The following PCCA variants were observed in gnomAD, a reference collection of about 807,000 sequenced individuals.
PCCA encodes the protein propionyl-CoA carboxylase alpha chain, mitochondrial.
PCCA carries 74 observed loss-of-function variants against 101.3 expected under a neutral mutation model. That is an observed-to-expected ratio of 0.73 (90% confidence interval 0.61 to 0.89). The LOEUF is 0.89. PCCA is among the 40% of genes least tolerant of loss of function. PCCA has a pLI of 0.00. For missense variants in PCCA, 891 were observed against 907.0 expected (o/e 0.98, Z 0.23); for synonymous variants, 294 against 313.6 (o/e 0.94, Z 0.66).
At chr13:100,180,638 T>C (rs546130644) in intron 6 of PCCA, among the ~76,000 whole-genome samples, 1 of 152,326 alleles carries the variant, frequency 6.6e-6, no homozygotes, top group South Asian at 2.1e-4. Context: ...TCTTCTGATT[T>C]CTTTCTCCTC....
rs2046036683 is a variant in PCCA at position 100,089,225 on chromosome 13, G to A, written c.105G>A (p.Lys35=). The A allele has an allele frequency of 6.6e-7, 1 of 1,511,086 alleles. No homozygotes were observed. The highest frequency in any genetic ancestry group is 1.3e-5 in the South Asian group (1 of 78,500). 93.6% of individuals were successfully genotyped at this position (1,511,086 alleles called of 1,614,324 possible). A position where few individuals can be genotyped will look rare whatever the true frequency, so the allele number is the denominator to read the frequency against. ...TGAGCGCGGCGCTGCGGACCCTGAA[G>A]GTGAGGAGCAACGGGGCCTCGCGGG... ...LMLSAALRTL[K]HVLYYSRQCL... Residue 35 remains lysine, a splice_region_variant and synonymous_variant, in exon 1 of 24, where the codon AAG becomes AAA. Coordinates refer to ENST00000376285, the MANE Select transcript of PCCA (RefSeq NM_000282.4).
chr13:100,261,706 T>C (rs558117943), intron 9 of PCCA, among the ~76,000 whole-genome samples: 1 of 152,326 alleles, frequency 6.6e-6, no homozygotes, highest in East Asian at 1.9e-4. Context: ...TTTAAATTAG[T>C]TTGTAAACAA....
rs1490024229 is a variant in PCCA, at chr13:100,504,341, TAGA to T, written c.1900-11083_1900-11081del. 7.2e-5 allele frequency among the ~76,000 whole-genome samples: 11 copies of T among 152,306 alleles called. No homozygotes were observed. The East Asian group carries it at 1.9e-3, about 27-fold the overall frequency. ...GGAGAATGTTCATATGAGAATTGAA[TAGA>T]AGGCCAAATTTTTAGGCTAAGAATA... is the stretch of plus-strand genomic sequence containing the variant. On this transcript the variant is annotated intron_variant, in intron 21 of 23. Coordinates refer to ENST00000376285, the MANE Select transcript of PCCA (RefSeq NM_000282.4).
chr13:100,301,337 A>G (rs2066040318), intron 12 of PCCA, 123 bp from the exon 13 acceptor site: 1 of 1,014,230 alleles, frequency 9.9e-7, no homozygotes, highest in Admixed American at 1.8e-5. Flanking sequence ...TTTTAGTCAA[A>G]TATGTTCAAA....
At chr13:100,478,107 A>G (rs979458425) in intron 21 of PCCA, among the ~76,000 whole-genome samples, 1 of 152,242 alleles carries the variant, frequency 6.6e-6, no homozygotes, top group African/African-American at 2.4e-5. Context: ...GAAGCCCGCA[A>G]TTCATTGCAT....
At chr13:100,170,358 T>C (rs1040147523) in intron 6 of PCCA, among the ~76,000 whole-genome samples, 11 of 152,228 alleles carry the variant, frequency 7.2e-5, no homozygotes, top group African/African-American at 2.7e-4. Flanking sequence ...TTAATGATTC[T>C]TGTTGCCCCC....
At chr13:100,523,119 C>G (rs2087444072) in intron 22 of PCCA, among the ~76,000 whole-genome samples, 1 of 152,158 alleles carries the variant, frequency 6.6e-6, no homozygotes, top group Non-Finnish European at 1.5e-5. Context: ...AAATGTGTCC[C>G]TGTCTTAGCA....
chr13:100,157,198 AT>A, intron 5 of PCCA, 88 bp from the exon 6 acceptor site: 2 of 840,626 alleles, frequency 2.4e-6, no homozygotes, highest in Admixed American at 3.8e-5. Context: ...TGAACAGTAA[AT>A]ATTAATACAT....
At chr13:100,482,628 C>T (rs956476712) in intron 21 of PCCA, among the ~76,000 whole-genome samples, 6 of 152,182 alleles carry the variant, frequency 3.9e-5, no homozygotes, top group African/African-American at 1.4e-4. Context: ...TTCGCTCGTT[C>T]CCCAAGCTGA....
intron 7 of PCCA, among the ~76,000 whole-genome samples, chr13:100,234,564 T>C (rs1428006925): frequency 6.6e-6 from 1 of 151,984 alleles, no homozygotes; most frequent in African/African-American, 2.4e-5. Flanking sequence ...GACTGGCTAA[T>C]GAAAGGAAAT....
intron 12 of PCCA, among the ~76,000 whole-genome samples, chr13:100,291,874 G>A (rs1231211642): frequency 6.6e-6 from 1 of 152,228 alleles, no homozygotes; most frequent in African/African-American, 2.4e-5. Flanking sequence ...TCTCCATGAT[G>A]TGTTCCTTTC....
Position 100,340,165 on chromosome 13 carries a change from C to G in PCCA, c.1549C>G (p.Leu517Val). 1.9e-6 allele frequency: 3 copies of G among 1,579,854 alleles called. No individual in the cohort carries two copies. Among genetic ancestry groups the G allele is most frequent in the Non-Finnish European group, 2.6e-6 (3 of 1,148,666 alleles). ...VYPDGFKGHM[L>V]TKSEKNQLLA... ...TGATTGATTTCCCTCAGGACACATG[C>G]TAACCAAGAGTGAGAAGAACCAGTT... Residue 517 changes from leucine to valine, a missense_variant, in exon 18 of 24, where the codon CTA becomes GTA. Transcript: ENST00000376285.
At chr13:100,461,702 TTTCCACC>T (rs2082174549) in intron 21 of PCCA, among the ~76,000 whole-genome samples, 1 of 152,214 alleles carries the variant, frequency 6.6e-6, no homozygotes, top group African/African-American at 2.4e-5. Flanking sequence ...GTGCTGTAAC[TTTCCACC>T]TGTCCCTGCC....
At chr13:100,185,018 A>G (rs748936353) in intron 6 of PCCA, among the ~76,000 whole-genome samples, 7 of 152,232 alleles carry the variant, frequency 4.6e-5, no homozygotes, top group Non-Finnish European at 1.0e-4. Context: ...AATGCACATA[A>G]TGTAAATGTA....
intron 8 of PCCA, among the ~76,000 whole-genome samples, chr13:100,251,288 A>G (rs6491555): frequency 0.44 from 66,475 of 152,024 alleles, 15,325 homozygotes; most frequent in East Asian, 0.75. Context: ...AAGTACAAAA[A>G]TATTCAAAGG....
intron 7 of PCCA, among the ~76,000 whole-genome samples, chr13:100,218,557 C>T (rs1183880779): frequency 6.6e-6 from 1 of 152,102 alleles, no homozygotes; most frequent in Non-Finnish European, 1.5e-5. Context: ...ATTCTTTGTT[C>T]AGCTTTTTGA....
chr13:100,165,726 A>G (rs2054962109), intron 6 of PCCA, among the ~76,000 whole-genome samples: 1 of 152,162 alleles, frequency 6.6e-6, no homozygotes, highest in African/African-American at 2.4e-5. Flanking sequence ...ACACTTCAGC[A>G]TGCAGTTTTT....
intron 12 of PCCA, among the ~76,000 whole-genome samples, chr13:100,291,619 A>G (rs985104704): frequency 1.3e-5 from 2 of 152,132 alleles, no homozygotes; most frequent in African/African-American, 2.4e-5. Context: ...TTTGGGGGTT[A>G]TCAGTACTAA....
chr13:100,236,025 G>A, intron 8 of PCCA, 147 bp downstream of exon 8: 1 of 643,670 alleles, frequency 1.6e-6, no homozygotes, highest in South Asian at 1.8e-5. Flanking sequence ...GAATGTATCA[G>A]TTGAATTGCC....
Sources: allele counts gnomAD v4.1 joint callset (sites outside exome capture counted in the v4.1 genomes callset), GRCh38; gene constraint gnomAD v4.1.1; transcripts MANE v1.5; gene names NCBI Gene and HGNC (gene_info 2026-07-23, HGNC 2026-07-21).